UNC5B: variants seen among roughly 807,000 people sequenced by gnomAD.
The protein encoded by UNC5B is netrin receptor UNC5B.
In UNC5B, 56 loss-of-function variants were observed where a neutral mutation model predicts 103.7. The ratio of observed to expected loss-of-function variants is 0.54; its 90% CI spans 0.44 to 0.67. The LOEUF (loss-of-function observed/expected upper bound fraction) is 0.67. Among genes scored for constraint, UNC5B ranks in the 30% least tolerant of loss-of-function variants. The pLI, the probability that UNC5B is intolerant of heterozygous loss-of-function variation, is 0.00. For missense variants in UNC5B, 1,194 were observed against 1,284.5 expected (o/e 0.93, Z 1.08); for synonymous variants, 577 against 542.0 (o/e 1.06, Z -0.90).
chr10:71,239,503 G>A (rs1398867169), intron 1 of UNC5B, among the ~76,000 whole-genome samples: 1 of 152,134 alleles, frequency 6.6e-6, no homozygotes, highest in Non-Finnish European at 1.5e-5. Context: ...AACCTCTTGG[G>A]CCCTGTTTCC....
At chr10:71,256,553 G>A (rs10999751) in intron 1 of UNC5B, among the ~76,000 whole-genome samples, 18,194 of 152,308 alleles carry the variant, frequency 0.12, 1,201 homozygotes, top group African/African-American at 0.17. Flanking sequence ...GAGGCCAGAG[G>A]CAGAGGCGCT....
At chr10:71,292,387 A>G in intron 10 of UNC5B, 80 bp from the exon 11 acceptor site, 2 of 1,256,532 alleles carry the variant, frequency 1.6e-6, no homozygotes, top group Non-Finnish European at 2.3e-6. Context: ...TTTCTCTCCC[A>G]GCCCCAAGCT....
chr10:71,297,950 C>T lies in UNC5B; in HGVS notation c.2532C>T (p.Gly844=). The T allele has an allele frequency of 6.2e-7, 1 of 1,613,872 alleles. No individual in the cohort carries two copies. ...GSLDTLCSAP[G]STVTTQLGPY... is the part of the protein sequence containing the mutation. ...TGGACACTCTCTGCTCTGCCCCTGG[C>T]AGCACTGTCACCACCCAGCTGGGAC... The change falls in exon 16 of 17, where the codon GGC becomes GGT. Residue 844 remains glycine, a synonymous_variant. Transcript: ENST00000335350.
intron 1 of UNC5B, among the ~76,000 whole-genome samples, chr10:71,263,463 G>C (rs1009326949): frequency 5.9e-5 from 9 of 152,204 alleles, no homozygotes; most frequent in African/African-American, 2.2e-4. Flanking sequence ...CGAGCTGAGA[G>C]CTCCAGACAT....
chr10:71,248,239 C>A (rs938172536), intron 1 of UNC5B, among the ~76,000 whole-genome samples: 1 of 152,096 alleles, frequency 6.6e-6, no homozygotes, highest in South Asian at 2.1e-4. Flanking sequence ...TGAGCTCCCC[C>A]CACTTGCTTC....
intron 1 of UNC5B, among the ~76,000 whole-genome samples, chr10:71,248,842 C>G (rs1238095781): frequency 2.6e-5 from 3 of 117,322 alleles, no homozygotes; most frequent in African/African-American, 1.0e-4. Flanking sequence ...GCTCCTCCCT[C>G]TCTCTGTCTC....
intron 8 of UNC5B, among the ~76,000 whole-genome samples, chr10:71,290,533 G>T (rs1404360107): frequency 1.3e-5 from 2 of 152,182 alleles, no homozygotes; most frequent in African/African-American, 4.8e-5. Flanking sequence ...AGGACCTTTG[G>T]TCCTCTGGAA....
chr10:71,278,706 C>T (rs34859734), intron 1 of UNC5B, among the ~76,000 whole-genome samples: 17 of 152,236 alleles, frequency 1.1e-4, no homozygotes, highest in Non-Finnish European at 2.2e-4. Flanking sequence ...ACAGGCCTCC[C>T]GGGACACCAC....
At chr10:71,221,856 T>G (rs894586131) in intron 1 of UNC5B, among the ~76,000 whole-genome samples, 3 of 152,204 alleles carry the variant, frequency 2.0e-5, no homozygotes, top group Non-Finnish European at 4.4e-5. Context: ...TCTCTGAGCT[T>G]AGTTCTGAGC....
At position 71,287,608 on chromosome 10, in the gene UNC5B, C is replaced by T. The variant is rs564265633; in HGVS notation, c.744C>T (p.Gly248=). 3.8e-6 allele frequency: 6 copies of T among 1,596,566 alleles called. No individual in the cohort carries two copies. In the African/African-American group the frequency reaches 8.1e-5, roughly 22 times the overall value. Reference sequence around the variant, plus strand: ...GCTGCCGCCTTGCAGTGAATGGCGGCTGGTCCAGCTGGGCAGAGTGGTCAC... The same window carrying T: ...GCTGCCGCCTTGCAGTGAATGGCGGTTGGTCCAGCTGGGCAGAGTGGTCAC... ...TATVIVYVNG[G]WSSWAEWSPC... Residue 248 remains glycine (G), a synonymous_variant, in exon 6 of 17, where the codon GGC becomes GGT. Coordinates refer to ENST00000335350, the MANE Select transcript of UNC5B (RefSeq NM_170744.5).
At chr10:71,246,162 T>C (rs1348990570) in intron 1 of UNC5B, among the ~76,000 whole-genome samples, 2 of 151,962 alleles carry the variant, frequency 1.3e-5, no homozygotes, top group Non-Finnish European at 2.9e-5. Context: ...AGCCCAGCAG[T>C]TGGTGAAGGC....
At chr10:71,247,782 C>T (rs538634966) in intron 1 of UNC5B, among the ~76,000 whole-genome samples, 11 of 151,072 alleles carry the variant, frequency 7.3e-5, no homozygotes, top group East Asian at 3.9e-4. Flanking sequence ...GAAATCAGAC[C>T]GGGGGCTAAG....
rs776350371 is a variant in UNC5B at position 71,296,644 on chromosome 10, A to G, written c.2392A>G (p.Arg798Gly). The G allele has an allele frequency of 6.2e-7, 1 of 1,614,048 alleles. No homozygotes were observed. The highest frequency in any genetic ancestry group is 2.2e-5 in the East Asian group (1 of 44,882). Reference sequence around the variant, plus strand: ...CCTCCACTGCACTTTCACCCTGGAGAGGCACAGCTTGGCCTCCACAGAGCT... The same window carrying G: ...CCTCCACTGCACTTTCACCCTGGAGGGGCACAGCTTGGCCTCCACAGAGCT... ...KALHCTFTLE[R>G]HSLASTELTC... Residue 798 changes from arginine (R) to glycine (G), a missense_variant, in exon 15 of 17, where the codon AGG becomes GGG. By Grantham distance (125) the Arg-to-Gly change is moderately radical. Transcript: ENST00000335350.
intron 1 of UNC5B, among the ~76,000 whole-genome samples, chr10:71,219,568 G>A (rs1843410578): frequency 6.6e-6 from 1 of 152,108 alleles, no homozygotes; most frequent in Non-Finnish European, 1.5e-5. Flanking sequence ...GCCTTTCCCA[G>A]CCCACTGACT....
intron 1 of UNC5B, among the ~76,000 whole-genome samples, chr10:71,231,563 C>T (rs938710150): frequency 2.0e-5 from 3 of 152,180 alleles, no homozygotes; most frequent in Non-Finnish European, 2.9e-5. Context: ...CCTAAATGCT[C>T]AGAACGGTGC....
In UNC5B at chr10:71,296,718, C is replaced by T; in HGVS notation, c.2466C>T (p.Phe822=). 1 of 1,610,322 alleles carries T rather than the reference C, an allele frequency of 6.2e-7. No individual in the cohort carries two copies. Among genetic ancestry groups the T allele is most frequent in the Non-Finnish European group, 8.5e-7 (1 of 1,178,368 alleles). ...AAGTGGAAGGGGAGGGCCAGATATTCCAGCTGCATACCACTCTGGCAGAGG... is the reference window on the plus strand; with the variant it reads ...AAGTGGAAGGGGAGGGCCAGATATTTCAGCTGCATACCACTCTGGCAGAGG... ...VRQVEGEGQI[F]QLHTTLAETP... Residue 822 remains phenylalanine, a synonymous_variant, in exon 15 of 17, where the codon TTC becomes TTT. Transcript: ENST00000335350.
chr10:71,232,615 C>T (rs1308711541), intron 1 of UNC5B, among the ~76,000 whole-genome samples: 1 of 152,260 alleles, frequency 6.6e-6, no homozygotes, highest in Non-Finnish European at 1.5e-5. Flanking sequence ...CAGTTGGCAG[C>T]CCTGGCCTTG....
chr10:71,222,260 G>A (rs749074770), intron 1 of UNC5B, among the ~76,000 whole-genome samples: 2 of 152,166 alleles, frequency 1.3e-5, no homozygotes, highest in African/African-American at 4.8e-5. Flanking sequence ...TCTACATTCA[G>A]CTTCTGACTC....
chr10:71,227,655 T>G (rs923453763), intron 1 of UNC5B, among the ~76,000 whole-genome samples: 1 of 147,536 alleles, frequency 6.8e-6, no homozygotes, highest in Non-Finnish European at 1.5e-5. Context: ...TACATATATA[T>G]ACATATATAT....
Sources: gnomAD v4.1 joint callset for allele counts (sites outside exome capture counted in the v4.1 genomes callset) on GRCh38, gnomAD v4.1.1 for gene constraint, MANE v1.5 for transcripts, NCBI Gene and HGNC (gene_info 2026-07-23, HGNC 2026-07-21) for gene names.